Variants in PDGFC observed in about 807,000 individuals in gnomAD.
PDGFC encodes platelet-derived growth factor C.
A neutral mutation model predicts 35.5 loss-of-function variants in PDGFC; 12 were observed. The ratio of observed to expected loss-of-function variants is 0.34; its 90% CI spans 0.22 to 0.55. The LOEUF (loss-of-function observed/expected upper bound fraction) is 0.55. Ranked by LOEUF, PDGFC falls within the 20% of genes least tolerant of loss-of-function variation. PDGFC has a pLI of 0.91. For missense variants in PDGFC, 322 were observed against 412.4 expected (o/e 0.78, Z 1.90); for synonymous variants, 159 against 148.8 (o/e 1.07, Z -0.50).
intron 1 of PDGFC, among the ~76,000 whole-genome samples, chr4:156,919,393 A>C (rs1324951477): frequency 6.6e-6 from 1 of 152,316 alleles, no homozygotes; most frequent in African/African-American, 2.4e-5. Context: ...CTTATCTGAA[A>C]GTCTTCTGAT....
At chr4:156,809,959 T>A (rs1050314731) in intron 3 of PDGFC, among the ~76,000 whole-genome samples, 5 of 151,896 alleles carry the variant, frequency 3.3e-5, no homozygotes, top group Admixed American at 2.6e-4. Context: ...ATTTAAATAT[T>A]TGAGAAATAT....
At chr4:156,876,553 A>G (rs529086516) in intron 1 of PDGFC, 121 of 152,302 alleles carry the variant, frequency 7.9e-4, no homozygotes, top group African/African-American at 2.8e-3. Context: ...CTGCAGGGGC[A>G]GGGTTTATAT....
chr4:156,781,146 G>A (rs969206734), intron 3 of PDGFC, among the ~76,000 whole-genome samples: 7 of 152,060 alleles, frequency 4.6e-5, no homozygotes, highest in Non-Finnish European at 1.0e-4. Context: ...TTCAGTAAAT[G>A]CCAATTCCGT....
At position 156,761,835 on chromosome 4, in the gene PDGFC, T is replaced by C. The variant is rs1730383831; in HGVS notation, c.*1255A>G. ...TTATACAAGTGTATGGAACAGAGTTTAAGATAATAAAACCACAACATCACA... is the reference window on the plus strand; with the variant it reads ...TTATACAAGTGTATGGAACAGAGTTCAAGATAATAAAACCACAACATCACA... On this transcript the variant is annotated 3_prime_UTR_variant, in exon 6 of 6. Transcript: ENST00000502773. 6.6e-6 allele frequency: 1 copy of C among 152,652 alleles called. No homozygotes were observed. Among genetic ancestry groups the C allele is most frequent in the African/African-American group, 2.4e-5 (1 of 41,468 alleles). The allele number at this position is 152,652 out of a possible 1,614,324, so 9.5% of individuals were successfully genotyped here.
intron 1 of PDGFC, among the ~76,000 whole-genome samples, chr4:156,875,445 A>G (rs908809449): frequency 1.3e-5 from 2 of 152,188 alleles, no homozygotes; most frequent in African/African-American, 4.8e-5. Context: ...GTGGAAGTTG[A>G]GCCATTAGAA....
chr4:156,786,229 A>C lies in PDGFC; in HGVS notation c.496-13336T>G, dbSNP rs75284703. On this transcript the variant is annotated intron_variant, in intron 3 of 5. Transcript: ENST00000502773. ...CAAGCAGTGAACAAAAGAAGTAAATATCTCTGCCTTTATGTAATACATATT... is the reference window on the plus strand; with the variant it reads ...CAAGCAGTGAACAAAAGAAGTAAATCTCTCTGCCTTTATGTAATACATATT... Among the ~76,000 whole-genome samples, 1,047 of 152,344 alleles carry C rather than the reference A, an allele frequency of 6.9e-3. 15 individuals carry two copies. Among genetic ancestry groups the C allele is most frequent in the African/African-American group, 0.024 (1,008 of 41,574 alleles).
intron 1 of PDGFC, among the ~76,000 whole-genome samples, chr4:156,910,571 A>G (rs756425041): frequency 3.3e-5 from 5 of 152,120 alleles, no homozygotes; most frequent in Non-Finnish European, 7.4e-5. Context: ...GTAATTTCTG[A>G]ATCATATGAT....
intron 3 of PDGFC, among the ~76,000 whole-genome samples, chr4:156,773,332 T>A (rs1312609552): frequency 6.6e-6 from 1 of 152,102 alleles, no homozygotes; most frequent in African/African-American, 2.4e-5. Context: ...ACCCAAAAGA[T>A]CTAGAACAAA....
intron 1 of PDGFC, among the ~76,000 whole-genome samples, chr4:156,914,755 C>T (rs143537391): frequency 6.6e-6 from 1 of 152,140 alleles, no homozygotes; most frequent in African/African-American, 2.4e-5. Context: ...GTCTCAAAAT[C>T]AGCCAGAGAA....
At chr4:156,940,088 T>C (rs1731771122) in intron 1 of PDGFC, among the ~76,000 whole-genome samples, 1 of 152,124 alleles carries the variant, frequency 6.6e-6, no homozygotes, top group Admixed American at 6.6e-5. Flanking sequence ...TGCTCAACAA[T>C]GTGAATTACT....
chr4:156,780,465 C>T lies in PDGFC; in HGVS notation c.496-7572G>A, dbSNP rs17035238. Among the ~76,000 whole-genome samples, 479 of 152,232 alleles carry T rather than the reference C, an allele frequency of 3.1e-3. 5 individuals carry two copies. Among genetic ancestry groups the T allele is most frequent in the African/African-American group, 0.011 (457 of 41,548 alleles). On this transcript the variant is annotated intron_variant, in intron 3 of 5. Coordinates refer to ENST00000502773, the MANE Select transcript of PDGFC (RefSeq NM_016205.3). ...ACAGTACAATATTTATTCAATGTATCACTCAACCACCATTAAGGGAAATCG... is the reference window on the plus strand; with the variant it reads ...ACAGTACAATATTTATTCAATGTATTACTCAACCACCATTAAGGGAAATCG...
At chr4:156,967,150 C>G (rs549798993) in intron 1 of PDGFC, among the ~76,000 whole-genome samples, 2 of 151,810 alleles carry the variant, frequency 1.3e-5, no homozygotes, top group East Asian at 1.9e-4. Context: ...AGCCTATTTA[C>G]TCTTGGACAC....
chr4:156,948,459 G>A (rs1177334831), intron 1 of PDGFC, among the ~76,000 whole-genome samples: 3 of 151,852 alleles, frequency 2.0e-5, no homozygotes, highest in Non-Finnish European at 4.4e-5. Context: ...AAGCCTGAAG[G>A]GCCACCTTTA....
chr4:156,875,283 T>C (rs777578104), intron 1 of PDGFC, among the ~76,000 whole-genome samples: 5 of 152,140 alleles, frequency 3.3e-5, no homozygotes, highest in Admixed American at 2.0e-4. Context: ...GATGTCACCA[T>C]ATGGAACACA....
chr4:156,869,521 A>G (rs1304570631), intron 1 of PDGFC, among the ~76,000 whole-genome samples: 3 of 152,160 alleles, frequency 2.0e-5, no homozygotes, highest in Non-Finnish European at 4.4e-5. Context: ...TGGATTATTT[A>G]GCTTTCTCAT....
chr4:156,948,232 G>C (rs1425821098), intron 1 of PDGFC, among the ~76,000 whole-genome samples: 4 of 145,054 alleles, frequency 2.8e-5, no homozygotes, highest in Non-Finnish European at 6.0e-5. Flanking sequence ...AAAAAAAAAA[G>C]GAAAAGACGA....
chr4:156,938,048 T>C (rs886687654), intron 1 of PDGFC, among the ~76,000 whole-genome samples: 3 of 152,178 alleles, frequency 2.0e-5, no homozygotes, highest in Non-Finnish European at 2.9e-5. Context: ...GGGAGAATTA[T>C]GCCAAATGAG....
intron 1 of PDGFC, among the ~76,000 whole-genome samples, chr4:156,870,512 T>A (rs1019290154): frequency 6.6e-6 from 1 of 152,152 alleles, no homozygotes; most frequent in Non-Finnish European, 1.5e-5. Context: ...TCTGTTTCTA[T>A]GGAATTAACT....
At chr4:156,913,658 CT>C (rs1282241635) in intron 1 of PDGFC, among the ~76,000 whole-genome samples, 11 of 143,824 alleles carry the variant, frequency 7.6e-5, no homozygotes, top group African/African-American at 2.7e-4. Flanking sequence ...TATCTTACTA[CT>C]TTTCAGTCTG....
Sources: gnomAD v4.1 joint callset for allele counts (sites outside exome capture counted in the v4.1 genomes callset) on GRCh38, gnomAD v4.1.1 for gene constraint, MANE v1.5 for transcripts, NCBI Gene and HGNC (gene_info 2026-07-23, HGNC 2026-07-21) for gene names.